Variants in DMD observed in about 807,000 individuals in gnomAD.
DMD encodes dystrophin, also known as mutant dystrophin.
Under a neutral mutation model 330.1 loss-of-function variants are expected in DMD, and 63 were observed. The observed-to-expected ratio is 0.19, with a 90% CI of 0.16 to 0.24. DMD has a LOEUF of 0.24. Among genes scored for constraint, DMD ranks in the 10% least tolerant of loss-of-function variants. The probability of loss-of-function intolerance (pLI) is 1.00; values close to 1 mark genes in which losing one functional copy is unlikely to be tolerated. For missense variants in DMD, 3,344 were observed against 2,684.1 expected (o/e 1.25, Z -5.43); for synonymous variants, 1,223 against 959.8 (o/e 1.27, Z -5.07).
chrX:31,420,720 A>T (rs1215907187), intron 60 of DMD, among the ~76,000 whole-genome samples: 10 of 112,454 alleles, frequency 8.9e-5, no homozygotes, highest in Non-Finnish European at 1.7e-4. Context: ...ACTTCTATGA[A>T]TGAGTGCCCA....
intron 27 of DMD, among the ~76,000 whole-genome samples, chrX:32,447,680 G>T (rs1215823663): frequency 8.9e-6 from 1 of 111,909 alleles, no homozygotes; most frequent in Admixed American, 9.5e-5. Context: ...CTCAGTCTGT[G>T]TGAGGGAAGG....
At chrX:32,024,036 A>G (rs149183606) in intron 44 of DMD, among the ~76,000 whole-genome samples, 1 of 111,690 alleles carries the variant, frequency 9.0e-6, no homozygotes, top group Non-Finnish European at 1.9e-5. Flanking sequence ...CCTCATCATC[A>G]TGCACTATAT....
At chrX:31,755,488 C>T (rs2088989046) in intron 51 of DMD, among the ~76,000 whole-genome samples, 1 of 111,613 alleles carries the variant, frequency 9.0e-6, no homozygotes, top group Non-Finnish European at 1.9e-5. Flanking sequence ...TATGACAACA[C>T]CTGAGAGTGA....
At chrX:31,131,481 T>TC (rs2034490362) in intron 77 of DMD, among the ~76,000 whole-genome samples, 1 of 111,411 alleles carries the variant, frequency 9.0e-6, no homozygotes, top group African/African-American at 3.3e-5. Flanking sequence ...TTTATATCTT[T>TC]ACCCCAGTTT....
intron 62 of DMD, among the ~76,000 whole-genome samples, chrX:31,310,934 T>C (rs191903297): frequency 1.8e-5 from 2 of 111,172 alleles, no homozygotes; most frequent in African/African-American, 6.6e-5. Context: ...ATTGCCCAGA[T>C]TGCTTTTGTA....
At chrX:32,480,737 A>G (rs1283800464) in intron 21 of DMD, among the ~76,000 whole-genome samples, 2 of 110,421 alleles carry the variant, frequency 1.8e-5, no homozygotes, top group African/African-American at 3.3e-5. Context: ...GAGTTTTCCC[A>G]TGATTCTTGA....
intron 9 of DMD, among the ~76,000 whole-genome samples, chrX:32,690,599 C>G (rs937115887): frequency 9.0e-6 from 1 of 111,144 alleles, no homozygotes; most frequent in Admixed American, 9.6e-5. Flanking sequence ...AAATATATTA[C>G]TAAACTACAG....
chrX:32,666,968 C>A (rs1361817793), intron 9 of DMD, among the ~76,000 whole-genome samples: 2 of 111,299 alleles, frequency 1.8e-5, no homozygotes, highest in Admixed American at 9.6e-5. Flanking sequence ...GATATCCGGG[C>A]TTCTATGCTC....
At chrX:32,549,905 C>T (rs1260222310) in intron 16 of DMD, among the ~76,000 whole-genome samples, 3 of 112,296 alleles carry the variant, frequency 2.7e-5, no homozygotes, top group South Asian at 7.2e-4. Flanking sequence ...TACAAAAGGA[C>T]ATACAATAAA....
At chrX:32,371,614 G>A (rs1009852286) in intron 34 of DMD, among the ~76,000 whole-genome samples, 6 of 111,343 alleles carry the variant, frequency 5.4e-5, no homozygotes, top group Non-Finnish European at 1.1e-4. Context: ...GTCAAAGCTT[G>A]TATTTCCCAA....
At chrX:33,064,396 T>C (rs2094621246) in intron 1 of DMD, among the ~76,000 whole-genome samples, 1 of 111,540 alleles carries the variant, frequency 9.0e-6, no homozygotes, top group African/African-American at 3.3e-5. Context: ...CTTCTTTCTC[T>C]ATCTCACTCT....
At chrX:33,206,991 A>C (rs2051614892) in intron 1 of DMD, among the ~76,000 whole-genome samples, 1 of 110,417 alleles carries the variant, frequency 9.1e-6, no homozygotes, top group Admixed American at 9.7e-5. Context: ...AGTACCCATT[A>C]GTTGCTTTTC....
chrX:32,821,080 A>G (rs1166972692), intron 5 of DMD, among the ~76,000 whole-genome samples: 1 of 110,914 alleles, frequency 9.0e-6, no homozygotes, highest in Non-Finnish European at 1.9e-5. Flanking sequence ...GGCTCCTATG[A>G]GCTATTCTTT....
At chrX:32,521,715 T>G (rs1448666770) in intron 17 of DMD, among the ~76,000 whole-genome samples, 2 of 112,467 alleles carry the variant, frequency 1.8e-5, no homozygotes, top group Non-Finnish European at 3.8e-5. Context: ...CTCAAACTAG[T>G]ACTCTATCAG....
intron 62 of DMD, among the ~76,000 whole-genome samples, chrX:31,306,883 AT>A (rs1362615543): frequency 9.0e-6 from 1 of 111,506 alleles, no homozygotes; most frequent in Non-Finnish European, 1.9e-5. Flanking sequence ...AGCAATATTG[AT>A]TTGCTAGGGG....
chrX:31,671,431 A>G (rs1366350635), intron 53 of DMD, among the ~76,000 whole-genome samples: 1 of 112,187 alleles, frequency 8.9e-6, no homozygotes, highest in East Asian at 2.8e-4. Context: ...AATCATGTTA[A>G]TATGTTGTTG....
At chrX:32,538,326 G>C (rs773225710) in intron 17 of DMD, among the ~76,000 whole-genome samples, 1 of 111,135 alleles carries the variant, frequency 9.0e-6, no homozygotes, top group Non-Finnish European at 1.9e-5. Context: ...CACCTTAACC[G>C]AGCGATTAAC....
At chrX:33,020,320 T>G in intron 1 of DMD, 120 bp from the exon 2 acceptor site, 1 of 494,204 alleles carries the variant, frequency 2.0e-6, no homozygotes, top group Non-Finnish European at 3.4e-6. Context: ...AGTATTACAT[T>G]CATTGATAAA....
chrX:33,224,425 A>T (rs1214115234), intron 1 of DMD, among the ~76,000 whole-genome samples: 4 of 111,914 alleles, frequency 3.6e-5, no homozygotes, highest in African/African-American at 1.3e-4. Flanking sequence ...AAATACACTA[A>T]GGAAACTTAA....
Sources: allele counts gnomAD v4.1 joint callset (sites outside exome capture counted in the v4.1 genomes callset), GRCh38; gene constraint gnomAD v4.1.1; transcripts MANE v1.5; gene names NCBI Gene and HGNC (gene_info 2026-07-23, HGNC 2026-07-21).